The following PSMA5 variants were observed in gnomAD, a reference collection of about 807,000 sequenced individuals.
PSMA5 encodes the protein proteasome subunit alpha type-5.
PSMA5 carries 3 observed loss-of-function variants against 34.5 expected under a neutral mutation model. That is an observed-to-expected ratio of 0.09 (90% CI 0.04 to 0.22). The LOEUF (loss-of-function observed/expected upper bound fraction) is 0.22. PSMA5 is among the 10% of genes least tolerant of loss of function. The pLI is 1.00. For missense variants in PSMA5, 120 were observed against 286.1 expected, an observed-to-expected ratio of 0.42 and a Z score of 4.19; for synonymous variants, 88 against 95.8, an observed-to-expected ratio of 0.92 and a Z score of 0.47.
At chr1:109,412,833 A>G (rs779496433) in intron 4 of PSMA5, 5 of 381,622 alleles carry the variant, frequency 1.3e-5, no homozygotes, top group African/African-American at 8.4e-5. Flanking sequence ...GGCAAAGCCA[A>G]AAAAAAAAGG....
Position 109,401,826 on chromosome 1 carries a change from A to G in PSMA5, c.*187T>C. 1 of 386,854 alleles carries G rather than the reference A, an allele frequency of 2.6e-6. No homozygotes were observed. 24.0% of individuals were successfully genotyped at this position (386,854 alleles called of 1,614,324 possible). A position where few individuals can be genotyped will look rare whatever the true frequency, so the allele number is the denominator to read the frequency against. On this transcript the variant is annotated 3_prime_UTR_variant, in exon 9 of 9. Transcript: ENST00000271308. ...AAAAAAAAAAAAAAAAAAGACTATT[A>G]GAAGAGAACAGTCTATTAACAAATA...
intron 5 of PSMA5, 56 bp from the exon 6 acceptor site, chr1:109,411,991 G>C (rs1330709636): frequency 6.3e-7 from 1 of 1,587,032 alleles, no homozygotes; most frequent in Non-Finnish European, 8.7e-7. Context: ...AAGGAGGTGA[G>C]AGGGGCTGGG....
intron 3 of PSMA5, among the ~76,000 whole-genome samples, chr1:109,414,576 C>G (rs986481037): frequency 5.9e-5 from 9 of 152,090 alleles, no homozygotes; most frequent in Non-Finnish European, 1.3e-4. Flanking sequence ...TTCAAAAGAC[C>G]AAGTGACTTG....
At chr1:109,411,175 C>T (rs1310836368) in intron 6 of PSMA5, 62 bp from the exon 7 acceptor site, 14 of 1,173,500 alleles carry the variant, frequency 1.2e-5, no homozygotes, top group Middle Eastern at 3.8e-4. Flanking sequence ...ATGTAACAAA[C>T]GTCTCACTAA....
chr1:109,412,252 C>T (rs1390035439), intron 4 of PSMA5, 68 bp from the exon 5 acceptor site: 5 of 1,273,400 alleles, frequency 3.9e-6, no homozygotes, highest in East Asian at 4.6e-5. Flanking sequence ...CATCTCACTA[C>T]GCACATCCCT....
Position 109,412,110 on chromosome 1 carries a change from C to G in PSMA5, c.366G>C (p.Gln122His), listed in dbSNP as rs552813222. ...CTGGATCTGCATCTTCTTCTCCAAA[C>G]TGCAAAGCCAGATTGGACACAGCTT... Reference protein sequence around the residue: ...VTQAVSNLALQFGEEDADPGA... With the variant: ...VTQAVSNLALHFGEEDADPGA... The change falls in exon 5 of 9, where the codon CAG becomes CAC. Residue 122 changes from glutamine (Q) to histidine (H), a missense_variant. Coordinates refer to ENST00000271308, the MANE Select transcript of PSMA5 (RefSeq NM_002790.4). 6.2e-7 allele frequency: 1 copy of G among 1,614,094 alleles called. No homozygotes were observed. The highest frequency in any genetic ancestry group is 1.1e-5 in the South Asian group (1 of 91,086).
In PSMA5 at chr1:109,401,839, C is replaced by A; in HGVS notation, c.*174G>T. ...AAAAAGACTATTAGAAGAGAACAGTCTATTAACAAATATTTTAAAATTTTC... is the reference window on the plus strand; with the variant it reads ...AAAAAGACTATTAGAAGAGAACAGTATATTAACAAATATTTTAAAATTTTC... On this transcript the variant is annotated 3_prime_UTR_variant, in exon 9 of 9. Transcript: ENST00000271308. 5 of 426,190 alleles carry A rather than the reference C, an allele frequency of 1.2e-5. No individual in the cohort carries two copies. The highest frequency in any genetic ancestry group is 4.3e-5 in the Admixed American group (1 of 23,452). 26.4% of individuals were successfully genotyped at this position (426,190 alleles called of 1,614,324 possible).
chr1:109,406,528 T>A (rs1653769907), intron 8 of PSMA5, among the ~76,000 whole-genome samples: 1 of 151,878 alleles, frequency 6.6e-6, no homozygotes, highest in Non-Finnish European at 1.5e-5. Context: ...CAAGACCCCA[T>A]CTCTAAAAAA....
At chr1:109,411,139 A>T in intron 6 of PSMA5, 26 bp from the exon 7 acceptor site, 1 of 1,563,698 alleles carries the variant, frequency 6.4e-7, no homozygotes. Flanking sequence ...AATGAGGACT[A>T]AAATGCTCAG....
chr1:109,417,089 A>G (rs1261787889), intron 2 of PSMA5, among the ~76,000 whole-genome samples: 1 of 152,226 alleles, frequency 6.6e-6, no homozygotes, highest in Non-Finnish European at 1.5e-5. Context: ...TGGACAACAG[A>G]GTGAGACCCC....
rs558049340 is a variant in PSMA5 at position 109,403,477 on chromosome 1, C to A, written c.649-1387G>T. Reference sequence around the variant, plus strand: ...CGTGTCTACCAAAAAAAAAAAACCCCAAAAACTAGCAGGGGGTGTAGCAAA... The same window carrying A: ...CGTGTCTACCAAAAAAAAAAAACCCAAAAAACTAGCAGGGGGTGTAGCAAA... On this transcript the variant is annotated intron_variant, in intron 8 of 8. Coordinates refer to ENST00000271308, the MANE Select transcript of PSMA5 (RefSeq NM_002790.4). Among the ~76,000 whole-genome samples the A allele has an allele frequency of 2.9e-4, 44 of 151,166 alleles. No homozygotes were observed. The East Asian group carries it at 7.8e-3, about 27-fold the overall frequency.
chr1:109,414,989 A>G (rs928936830), intron 3 of PSMA5: 1 of 389,826 alleles, frequency 2.6e-6, no homozygotes, highest in Non-Finnish European at 4.6e-6. Flanking sequence ...CAACCTTTGC[A>G]TATTTCAACA....
At chr1:109,407,665 G>A (rs910756001) in intron 8 of PSMA5, among the ~76,000 whole-genome samples, 9 of 152,186 alleles carry the variant, frequency 5.9e-5, no homozygotes, top group African/African-American at 7.2e-5. Flanking sequence ...TTGAGACAGA[G>A]TTTCGTGCTG....
intron 2 of PSMA5, among the ~76,000 whole-genome samples, chr1:109,418,417 G>C (rs1404130488): frequency 6.6e-6 from 1 of 152,086 alleles, no homozygotes; most frequent in Non-Finnish European, 1.5e-5. Flanking sequence ...CCAGGCTCAC[G>C]AGATCTTCCC....
chr1:109,405,447 G>GTTTTTTT (rs11390638), intron 8 of PSMA5, among the ~76,000 whole-genome samples: 3 of 118,304 alleles, frequency 2.5e-5, no homozygotes, highest in Non-Finnish European at 3.3e-5. Context: ...GTCAGAAAAG[G>GTTTTTTT]TTTTTTTTTT....
At chr1:109,412,913 C>T (rs1654055638) in intron 4 of PSMA5, 155 bp downstream of exon 4, 1 of 618,442 alleles carries the variant, frequency 1.6e-6, no homozygotes, top group Admixed American at 2.8e-5. Flanking sequence ...AACTCCAAGC[C>T]CCAGGAAGTT....
chr1:109,405,879 G>A (rs1233438475), intron 8 of PSMA5, among the ~76,000 whole-genome samples: 2 of 152,176 alleles, frequency 1.3e-5, no homozygotes, highest in African/African-American at 4.8e-5. Context: ...TACAAGGTAG[G>A]GGAAAAATGG....
intron 3 of PSMA5, among the ~76,000 whole-genome samples, chr1:109,413,963 TATC>T (rs957282041): frequency 5.3e-5 from 8 of 152,236 alleles, no homozygotes; most frequent in African/African-American, 1.9e-4. Flanking sequence ...CTATCTTTAA[TATC>T]ATTATCAGAA....
In PSMA5 at chr1:109,410,729, C is replaced by T. The variant is rs3738775; in HGVS notation, c.561+282G>A. 8.5e-5 allele frequency among the ~76,000 whole-genome samples: 13 copies of T among 152,258 alleles called. No individual in the cohort carries two copies. The East Asian group carries it at 2.5e-3, about 29-fold the overall frequency. On this transcript the variant is annotated intron_variant, in intron 7 of 8. Transcript: ENST00000271308. ...TGGATCTCAAAAACAGTGTGTTAAA[C>T]AAAACAGATACAAACTGACTAACTG...
Sources: gnomAD v4.1 joint callset for allele counts (sites outside exome capture counted in the v4.1 genomes callset) on GRCh38, gnomAD v4.1.1 for gene constraint, MANE v1.5 for transcripts, NCBI Gene and HGNC (gene_info 2026-07-23, HGNC 2026-07-21) for gene names.